Variants in PSG6 observed in about 807,000 individuals in gnomAD.
PSG6 encodes pregnancy-specific beta-1-glycoprotein 6.
A neutral mutation model predicts 43.3 loss-of-function variants in PSG6; 51 were observed. The observed-to-expected ratio is 1.18, with a 90% CI of 0.94 to 1.49. PSG6 has a LOEUF of 1.49. PSG6 is among the 40% of genes most tolerant of loss of function. The pLI, the probability that PSG6 is intolerant of heterozygous loss-of-function variation, is 0.00. For synonymous variants in PSG6, 292 were observed against 197.6 expected (o/e 1.48, Z -4.01); for missense variants, 770 against 522.2 (o/e 1.47, Z -4.62).
chr19:42,909,379 T>A (rs1443142525), intron 3 of PSG6, among the ~76,000 whole-genome samples: 2 of 151,508 alleles, frequency 1.3e-5, no homozygotes, highest in East Asian at 1.9e-4. Flanking sequence ...TTCTCAGTGT[T>A]TGTGTTGTGG....
At chr19:42,903,058 T>G (rs1254378079) in intron 5 of PSG6, among the ~76,000 whole-genome samples, 18 of 151,580 alleles carry the variant, frequency 1.2e-4, no homozygotes, top group Non-Finnish European at 1.5e-5. Flanking sequence ...AGACAGAAGC[T>G]TAGCATGGTG....
chr19:42,917,099 GT>G (rs796843068), intron 1 of PSG6, among the ~76,000 whole-genome samples: 1 of 151,212 alleles, frequency 6.6e-6, no homozygotes, highest in African/African-American at 2.4e-5. Context: ...AATTGTTGAG[GT>G]TTTTTGCTGA....
intron 5 of PSG6, among the ~76,000 whole-genome samples, chr19:42,902,671 G>T (rs1972053419): frequency 6.6e-6 from 1 of 151,410 alleles, no homozygotes; most frequent in Non-Finnish European, 1.5e-5. Context: ...TTTTTCACAG[G>T]AATCAGCTCT....
chr19:42,903,763 T>G lies in PSG6; in HGVS notation c.1241-1317A>C, dbSNP rs549169572. The G allele has an allele frequency of 2.6e-5, 39 of 1,512,496 alleles. 1 individual carries two copies. Among genetic ancestry groups the G allele is most frequent in the Non-Finnish European group, 1.1e-5 (13 of 1,132,932 alleles). The allele number at this position is 1,512,496 out of a possible 1,614,324, so 93.7% of individuals were successfully genotyped here. A position where few individuals can be genotyped will look rare whatever the true frequency, so the allele number is the denominator to read the frequency against. ...AACCAATTAGCTGGGCATGTTGACA[T>G]GCACCTGTAGTCCTAGCATCTTGGG... On this transcript the variant is annotated intron_variant, in intron 5 of 5. Coordinates refer to ENST00000187910, the MANE Select transcript of PSG6 (RefSeq NM_001031850.4).
chr19:42,906,999 C>T lies in PSG6; in HGVS notation c.1163G>A (p.Ser388Asn), dbSNP rs767337289. ...ACGAACAGAGCAAGCATAGAGCCCG[C>T]TATGATTTGTAGTAATTTGGGGGAT... ...LFIPQITTNHSGLYACSVRNS... is the reference protein window; with the variant it reads ...LFIPQITTNHNGLYACSVRNS... Residue 388 changes from serine to asparagine, a missense_variant, in exon 5 of 6, where the codon AGC becomes AAC. Ser to Asn is a conservative substitution (Grantham distance 46). Transcript: ENST00000187910. 49 of 1,612,290 alleles carry T rather than the reference C, an allele frequency of 3.0e-5. No homozygotes were observed. The highest frequency in any genetic ancestry group is 4.1e-5 in the Non-Finnish European group (48 of 1,179,104).
At chr19:42,903,215 G>A (rs1438289888) in intron 5 of PSG6, among the ~76,000 whole-genome samples, 1 of 151,500 alleles carries the variant, frequency 6.6e-6, no homozygotes, top group African/African-American at 2.4e-5. Flanking sequence ...TTCATTGACT[G>A]CATTAAACCT....
At chr19:42,913,550 A>G (rs527539593) in intron 2 of PSG6, among the ~76,000 whole-genome samples, 1 of 151,810 alleles carries the variant, frequency 6.6e-6, no homozygotes, top group South Asian at 2.1e-4. Flanking sequence ...GCCTGACAGG[A>G]AGCCAGAAGT....
chr19:42,904,660 G>C (rs914017813), intron 5 of PSG6, among the ~76,000 whole-genome samples: 1 of 151,688 alleles, frequency 6.6e-6, no homozygotes, highest in Admixed American at 6.6e-5. Context: ...TAAATTGAAA[G>C]ACATTTTGTG....
chr19:42,910,662 C>A lies in PSG6; in HGVS notation c.624G>T (p.Lys208Asn). The change falls in exon 3 of 6, where the codon AAG (lysine) becomes AAT (asparagine). Residue 208 changes from lysine (K) to asparagine (N), a missense_variant. Physicochemically the swap from Lys to Asn is moderately conservative, Grantham distance 94. Coordinates refer to ENST00000187910, the MANE Select transcript of PSG6 (RefSeq NM_001031850.4). ...NRTLYLFGVT[K>N]YIAGPYECEI... The stretch of plus-strand genomic sequence containing the variant: ...CACATTCATAGGGTCCTGCAATATA[C>A]TTTGTGACACCAAATAGATAGAGGG... 2.5e-6 allele frequency: 4 copies of A among 1,612,354 alleles called. No homozygotes were observed. Among genetic ancestry groups the A allele is most frequent in the Non-Finnish European group, 3.4e-6 (4 of 1,179,256 alleles).
intron 5 of PSG6, chr19:42,903,870 G>A: frequency 8.9e-7 from 1 of 1,118,998 alleles, no homozygotes; most frequent in South Asian, 3.5e-5. Context: ...TCCATCCTAG[G>A]GTGGCCTACA....
At position 42,902,179 on chromosome 19, in the gene PSG6, A is replaced by G. The variant is rs1050386830; in HGVS notation, c.*233T>C. 3.8e-5 allele frequency: 19 copies of G among 504,682 alleles called. No individual in the cohort carries two copies. The highest frequency in any genetic ancestry group is 6.3e-5 in the Non-Finnish European group (18 of 285,316). 31.3% of individuals were successfully genotyped at this position (504,682 alleles called of 1,614,324 possible). On this transcript the variant is annotated 3_prime_UTR_variant, in exon 6 of 6. Transcript: ENST00000187910. ...GCACTCAGATAGAGAGCAAAAGCAA[A>G]TGTTTCAATTTTTGTTTACAAAAGT...
intron 3 of PSG6, 62 bp from the exon 4 acceptor site, chr19:42,907,916 A>C (rs1341142944): frequency 1.0e-5 from 16 of 1,586,916 alleles, no homozygotes; most frequent in Non-Finnish European, 1.4e-5. Flanking sequence ...GGCATCCTTC[A>C]TTCAGAGTTG....
At chr19:42,917,363 C>CTTTTTTTTTT (rs35188962) in intron 1 of PSG6, among the ~76,000 whole-genome samples, 2 of 123,340 alleles carry the variant, frequency 1.6e-5, no homozygotes, top group Non-Finnish European at 1.7e-5. Context: ...TCTTTTTATT[C>CTTTTTTTTTT]TTTTTTTTTT....
intron 5 of PSG6, among the ~76,000 whole-genome samples, chr19:42,904,569 GA>G (rs1431118438): frequency 1.3e-5 from 2 of 151,520 alleles, no homozygotes. Context: ...AAATATTTAG[GA>G]ATAAGTTTAA....
chr19:42,916,931 CTT>C (rs1318844563), intron 1 of PSG6, among the ~76,000 whole-genome samples: 2 of 151,404 alleles, frequency 1.3e-5, no homozygotes, highest in Non-Finnish European at 2.9e-5. Flanking sequence ...TTCTATATCT[CTT>C]TGCATGTCTG....
intron 2 of PSG6, among the ~76,000 whole-genome samples, 197 bp from the exon 3 acceptor site, chr19:42,911,055 G>A (rs1972215171): frequency 6.6e-6 from 1 of 151,530 alleles, no homozygotes; most frequent in Non-Finnish European, 1.5e-5. Context: ...CTTTATGTAG[G>A]AGAAGCATGG....
Position 42,907,799 on chromosome 19 carries a change from C to T in PSG6, c.762G>A (p.Lys254=), listed in dbSNP as rs539578216. The T allele has an allele frequency of 8.1e-6, 13 of 1,611,266 alleles. 1 individual carries two copies. The highest frequency in any genetic ancestry group is 6.7e-5 in the East Asian group (3 of 44,802). ...TINNLNPREK[K]DVLAFTCEPK... is the part of the protein sequence containing the mutation. The stretch of plus-strand genomic sequence containing the variant: ...GTTCACAGGTGAAGGCTAACACATC[C>T]TTCTTCTCCCTGGGGTTTAAGTTGT... The change falls in exon 4 of 6, where the codon AAG becomes AAA. Residue 254 remains lysine, a synonymous_variant. Coordinates refer to ENST00000187910, the MANE Select transcript of PSG6 (RefSeq NM_001031850.4).
intron 3 of PSG6, among the ~76,000 whole-genome samples, chr19:42,909,321 C>T (rs1044843549): frequency 4.6e-5 from 7 of 151,460 alleles, no homozygotes; most frequent in African/African-American, 1.2e-4. Flanking sequence ...AGGCTGATTG[C>T]TATTTTCTAT....
rs570138275 is a variant in PSG6, at chr19:42,910,640, A to G, written c.646T>C (p.Cys216Arg). The G allele has an allele frequency of 2.5e-6, 4 of 1,612,382 alleles. No homozygotes were observed. Among genetic ancestry groups the G allele is most frequent in the East Asian group, 4.5e-5 (2 of 44,762 alleles). Reference protein sequence around the residue: ...VTKYIAGPYECEIRNPVSASR... With the variant: ...VTKYIAGPYEREIRNPVSASR... ...GCACTCACTGGGTTCCGTATTTCAC[A>G]TTCATAGGGTCCTGCAATATACTTT... The change falls in exon 3 of 6, where the codon TGT becomes CGT. Residue 216 changes from cysteine to arginine, a missense_variant. Coordinates refer to ENST00000187910, the MANE Select transcript of PSG6 (RefSeq NM_001031850.4).
Sources: gnomAD v4.1 joint callset for allele counts (sites outside exome capture counted in the v4.1 genomes callset) on GRCh38, gnomAD v4.1.1 for gene constraint, MANE v1.5 for transcripts, NCBI Gene and HGNC (gene_info 2026-07-23, HGNC 2026-07-21) for gene names.